Variants in PHLDB1 observed in about 807,000 individuals in gnomAD.
PHLDB1 encodes pleckstrin homology-like domain family B member 1.
Under a neutral mutation model 139.3 loss-of-function variants are expected in PHLDB1, and 65 were observed. The observed-to-expected ratio is 0.47, with a 90% CI of 0.38 to 0.57. The LOEUF (loss-of-function observed/expected upper bound fraction) is 0.57, where lower values mean the gene tolerates loss of function less well. Among genes scored for constraint, PHLDB1 ranks in the 20% least tolerant of loss-of-function variants. The probability of loss-of-function intolerance (pLI) is 0.00; values close to 1 mark genes in which losing one functional copy is unlikely to be tolerated. For synonymous variants in PHLDB1, 679 were observed against 734.5 expected (o/e 0.92, Z 1.22); for missense variants, 1,624 against 1,839.7 (o/e 0.88, Z 2.14).
chr11:118,630,111 T>C (rs1211315161), intron 6 of PHLDB1: 2 of 1,227,564 alleles, frequency 1.6e-6, no homozygotes, highest in Admixed American at 2.3e-5. Context: ...CTCTCCAGCC[T>C]TCTCTCCACT....
At chr11:118,626,622 A>G (rs1335632524) in intron 5 of PHLDB1, among the ~76,000 whole-genome samples, 1 of 151,630 alleles carries the variant, frequency 6.6e-6, no homozygotes, top group Non-Finnish European at 1.5e-5. Context: ...ACCTCAGGTG[A>G]TACATCCATT....
At position 118,656,678 on chromosome 11, in the gene PHLDB1, G is replaced by T; in HGVS notation, c.3994-5G>T. The T allele has an allele frequency of 6.2e-7, 1 of 1,612,838 alleles. No individual in the cohort carries two copies. The highest frequency in any genetic ancestry group is 1.1e-5 in the South Asian group (1 of 90,958). ...ATCTTAGACCTTCCTCTCTTCCTTT[G>T]GCAGAGCCCGAACCCAGCCCTCACC... On this transcript the variant is annotated splice_region_variant and splice_polypyrimidine_tract_variant and intron_variant, in intron 22 of 22. Transcript: ENST00000600882.
chr11:118,655,636 C>T lies in PHLDB1; in HGVS notation c.3906C>T (p.Ile1302=). Residue 1302 remains isoleucine, a synonymous_variant, in exon 21 of 23, where the codon ATC becomes ATT. Coordinates refer to ENST00000600882, the MANE Select transcript of PHLDB1 (RefSeq NM_001144758.3). ...DKHETKLKGV[I]YFQAIEEVYY... ...ATGAGACGAAGCTGAAGGGAGTCAT[C>T]TATTTCCAGGCCATTGAGGAAGTGT... The T allele has an allele frequency of 6.2e-7, 1 of 1,613,622 alleles. No homozygotes were observed. Among genetic ancestry groups the T allele is most frequent in the South Asian group, 1.1e-5 (1 of 91,072 alleles).
At chr11:118,628,676 C>T (rs782455606) in intron 6 of PHLDB1, 26 bp downstream of exon 6, 3 of 1,591,838 alleles carry the variant, frequency 1.9e-6, no homozygotes, top group East Asian at 2.3e-5. Flanking sequence ...GGAGGCTTGC[C>T]ACTGTCCATG....
In PHLDB1 at chr11:118,608,889, C is replaced by CA; in HGVS notation, c.-22+1190_-22+1191insA. Among the ~76,000 whole-genome samples the CA allele has an allele frequency of 6.6e-6, 1 of 151,260 alleles. No homozygotes were observed. The highest frequency in any genetic ancestry group is 6.6e-5 in the Admixed American group (1 of 15,200). On this transcript the variant is annotated intron_variant, in intron 1 of 22. Transcript: ENST00000600882. This position sits in a 1 kb window ranked among gnomAD's most constrained non-coding sequence, Gnocchi z 6.7. ...ACACGCGCCCCAGCTCACACATGCACCCCAGTCACACAGCCTACCTCACAC... is the reference window on the plus strand; with the variant it reads ...ACACGCGCCCCAGCTCACACATGCACACCCAGTCACACAGCCTACCTCACAC...
At chr11:118,615,946 A>G in intron 3 of PHLDB1, 95 bp from the exon 4 acceptor site, 6 of 989,136 alleles carry the variant, frequency 6.1e-6, no homozygotes, top group Non-Finnish European at 7.8e-6. Context: ...CTGGAGTAGG[A>G]GGTGGAAATA....
intron 3 of PHLDB1, among the ~76,000 whole-genome samples, chr11:118,615,356 G>A (rs1213497714): frequency 1.3e-5 from 2 of 152,130 alleles, no homozygotes; most frequent in African/African-American, 4.8e-5. Context: ...CATAGATGGA[G>A]AATGGAGAGA....
At chr11:118,623,736 A>G (rs1943269709) in intron 4 of PHLDB1, among the ~76,000 whole-genome samples, 2 of 151,650 alleles carry the variant, frequency 1.3e-5, no homozygotes, top group South Asian at 2.1e-4. Flanking sequence ...CTTGTTCCCT[A>G]TCTCAGTTTT....
chr11:118,634,547 C>G (rs1282991860), intron 9 of PHLDB1: 2 of 155,504 alleles, frequency 1.3e-5, no homozygotes, highest in African/African-American at 4.8e-5. Context: ...CGAGACCTAC[C>G]CAACAATTTC....
intron 1 of PHLDB1, among the ~76,000 whole-genome samples, chr11:118,612,420 T>C (rs2135701741): frequency 6.6e-6 from 1 of 152,292 alleles, no homozygotes; most frequent in African/African-American, 2.4e-5. Flanking sequence ...CTGAGGGATT[T>C]CCCTGAGTCT....
chr11:118,639,409 G>A (rs1375347129), intron 12 of PHLDB1, 158 bp downstream of exon 12: 2 of 632,914 alleles, frequency 3.2e-6, no homozygotes, highest in African/African-American at 3.6e-5. Flanking sequence ...TCTGGGATTT[G>A]ATTTTCCATG....
intron 4 of PHLDB1, chr11:118,624,732 G>A (rs1266963905): frequency 1.9e-6 from 1 of 518,076 alleles, no homozygotes; most frequent in Non-Finnish European, 3.5e-6. Flanking sequence ...CTCCTGAGTA[G>A]CTGGGATTAT....
Position 118,650,822 on chromosome 11 carries a change from C to T in PHLDB1, c.3874+275C>T, listed in dbSNP as rs1176034229. 13 of 478,716 alleles carry T rather than the reference C, an allele frequency of 2.7e-5. No homozygotes were observed. Among genetic ancestry groups the T allele is most frequent in the Non-Finnish European group, 4.2e-5 (11 of 263,790 alleles). 29.7% of individuals were successfully genotyped at this position (478,716 alleles called of 1,614,324 possible). On this transcript the variant is annotated intron_variant, in intron 20 of 22. Transcript: ENST00000600882. This position sits in a 1 kb window ranked among gnomAD's most constrained non-coding sequence, Gnocchi z 4.7. ...CTGGTGATGAGTAAGATGGCCACAGCGCTCTCATGGAGCTTATAATCAGGG... is the reference window on the plus strand; with the variant it reads ...CTGGTGATGAGTAAGATGGCCACAGTGCTCTCATGGAGCTTATAATCAGGG...
chr11:118,631,529 G>A, intron 7 of PHLDB1, 50 bp downstream of exon 7: 1 of 1,389,236 alleles, frequency 7.2e-7, no homozygotes, highest in Non-Finnish European at 9.4e-7. Flanking sequence ...GGACCTGCTG[G>A]GGGCAGAGGA....
intron 17 of PHLDB1, 91 bp from the exon 18 acceptor site, chr11:118,647,839 G>A: frequency 2.9e-6 from 4 of 1,376,442 alleles, no homozygotes; most frequent in Non-Finnish European, 4.0e-6. Context: ...ACCCTGAGGT[G>A]GATTCCTCCT....
In PHLDB1 at chr11:118,657,797, G is replaced by A. The variant is rs1050051767; in HGVS notation, c.*974G>A. On this transcript the variant is annotated 3_prime_UTR_variant, in exon 23 of 23. Transcript: ENST00000600882. ...TGAGCAGGAGATGATGCAGCAGAGG[G>A]GAAGGGCCCTGTGGTGCCGCCGCCC... 1.2e-5 allele frequency: 2 copies of A among 162,320 alleles called. No homozygotes were observed. Among genetic ancestry groups the A allele is most frequent in the Non-Finnish European group, 2.7e-5 (2 of 73,642 alleles). The allele number at this position is 162,320 out of a possible 1,614,324, so 10.1% of individuals were successfully genotyped here. A position where few individuals can be genotyped will look rare whatever the true frequency, so the allele number is the denominator to read the frequency against.
chr11:118,635,756 C>G (rs951636164), intron 10 of PHLDB1, among the ~76,000 whole-genome samples: 9 of 152,230 alleles, frequency 5.9e-5, no homozygotes, highest in African/African-American at 2.2e-4. Flanking sequence ...TGAAGAATAA[C>G]TATTATTAAG....
At chr11:118,641,772 G>A (rs1388548723) in intron 12 of PHLDB1, 10 of 1,288,860 alleles carry the variant, frequency 7.8e-6, no homozygotes, top group East Asian at 1.1e-4. Flanking sequence ...CTTCCATCAC[G>A]CCTTCACCTA....
intron 20 of PHLDB1, chr11:118,654,543 CAAAT>C (rs1277190168): frequency 1.3e-5 from 2 of 152,082 alleles, no homozygotes; most frequent in Admixed American, 1.3e-4. Context: ...AGAATATAAA[CAAAT>C]ACTTTTTCTT....
Sources: gnomAD v4.1 joint callset for allele counts (sites outside exome capture counted in the v4.1 genomes callset) on GRCh38, gnomAD v4.1.1 for gene constraint, Gnocchi (gnomAD v3.1) non-coding constraint, MANE v1.5 for transcripts, NCBI Gene and HGNC (gene_info 2026-07-23, HGNC 2026-07-21) for gene names.